FGGY: variants seen among roughly 807,000 people sequenced by gnomAD.
FGGY encodes the protein FGGY carbohydrate kinase domain-containing protein.
In FGGY, 72 loss-of-function variants were observed where a neutral mutation model predicts 71.3. The observed-to-expected ratio is 1.01, with a 90% CI of 0.84 to 1.23. The LOEUF (loss-of-function observed/expected upper bound fraction) is 1.23, where lower values mean the gene tolerates loss of function less well. FGGY is among the 50% of genes most tolerant of loss of function. FGGY has a pLI of 0.00. For missense variants in FGGY, 668 were observed against 682.3 expected, an observed-to-expected ratio of 0.98 and a Z score of 0.23; for synonymous variants, 251 against 250.3, an observed-to-expected ratio of 1.00 and a Z score of -0.02.
intron 14 of FGGY, among the ~76,000 whole-genome samples, chr1:59,732,735 G>A (rs1050697005): frequency 9.9e-5 from 15 of 152,188 alleles, no homozygotes; most frequent in African/African-American, 3.6e-4. Flanking sequence ...GCAGACCACT[G>A]TCGCCCCCAC....
intron 8 of FGGY, among the ~76,000 whole-genome samples, chr1:59,592,172 A>G (rs1052817733): frequency 6.6e-6 from 1 of 152,248 alleles, no homozygotes; most frequent in African/African-American, 2.4e-5. Flanking sequence ...CAGCAAAAAA[A>G]CACATGAAAA....
chr1:59,537,372 T>A (rs2095345703), intron 7 of FGGY, among the ~76,000 whole-genome samples: 1 of 152,100 alleles, frequency 6.6e-6, no homozygotes, highest in Admixed American at 6.5e-5. Context: ...GGAAGAACAT[T>A]CCATGCTCGT....
chr1:59,402,495 A>G (rs1044063614), intron 5 of FGGY, among the ~76,000 whole-genome samples: 7 of 152,214 alleles, frequency 4.6e-5, no homozygotes, highest in Non-Finnish European at 8.8e-5. Context: ...TGCCTGTTGC[A>G]TAGTAGACAT....
intron 1 of FGGY, among the ~76,000 whole-genome samples, chr1:59,305,717 T>C (rs1008636948): frequency 6.6e-6 from 1 of 152,248 alleles, no homozygotes; most frequent in Non-Finnish European, 1.5e-5. Flanking sequence ...CTGGCTGTTA[T>C]GAATAGAACT....
intron 5 of FGGY, among the ~76,000 whole-genome samples, chr1:59,448,475 AC>A (rs1016204056): frequency 7.9e-5 from 12 of 151,974 alleles, no homozygotes; most frequent in Non-Finnish European, 1.5e-5. Context: ...TATGCAAGGA[AC>A]CCAGTGTTCT....
At chr1:59,383,338 A>C (rs1191125811) in intron 5 of FGGY, among the ~76,000 whole-genome samples, 1 of 152,190 alleles carries the variant, frequency 6.6e-6, no homozygotes, top group Non-Finnish European at 1.5e-5. Context: ...CAGAATATAC[A>C]TGAAGGTAGG....
intron 14 of FGGY, among the ~76,000 whole-genome samples, chr1:59,731,791 C>G (rs921140242): frequency 2.6e-5 from 4 of 152,022 alleles, no homozygotes; most frequent in African/African-American, 9.7e-5. Context: ...TATGATGATG[C>G]CTCTGAGTGT....
intron 14 of FGGY, among the ~76,000 whole-genome samples, chr1:59,732,156 C>T (rs1457752044): frequency 6.6e-6 from 1 of 152,144 alleles, no homozygotes. Context: ...ATTTTCATTC[C>T]TTTTCTCTTT....
chr1:59,584,188 A>G (rs1442732268), intron 8 of FGGY, among the ~76,000 whole-genome samples: 1 of 148,048 alleles, frequency 6.8e-6, no homozygotes. Flanking sequence ...TCCTGATACC[A>G]AAGCCTGGCA....
At chr1:59,477,004 T>C (rs1309043646) in intron 6 of FGGY, among the ~76,000 whole-genome samples, 1 of 152,124 alleles carries the variant, frequency 6.6e-6, no homozygotes, top group Non-Finnish European at 1.5e-5. Flanking sequence ...CACAATTCAG[T>C]TTTGGATTTA....
chr1:59,654,337 C>T (rs2097198567), intron 11 of FGGY, among the ~76,000 whole-genome samples: 1 of 152,188 alleles, frequency 6.6e-6, no homozygotes, highest in Admixed American at 6.5e-5. Context: ...TTGCCTTGTC[C>T]ATCAGCTCCA....
chr1:59,707,411 A>T (rs2154024264), intron 14 of FGGY, among the ~76,000 whole-genome samples: 1 of 152,288 alleles, frequency 6.6e-6, no homozygotes, highest in African/African-American at 2.4e-5. Context: ...AGGGGGAGAG[A>T]GGGATGACTG....
intron 8 of FGGY, among the ~76,000 whole-genome samples, chr1:59,561,941 TG>T (rs1262334270): frequency 1.3e-5 from 2 of 152,164 alleles, no homozygotes; most frequent in Non-Finnish European, 2.9e-5. Context: ...TGAAAAGCAC[TG>T]GTCATTAGGG....
At chr1:59,423,649 C>T (rs2065832592) in intron 5 of FGGY, among the ~76,000 whole-genome samples, 3 of 152,156 alleles carry the variant, frequency 2.0e-5, no homozygotes, top group Non-Finnish European at 4.4e-5. Context: ...GGAAAAAATG[C>T]TGAGTCTCTG....
chr1:59,689,120 G>C (rs1459328535), intron 14 of FGGY, among the ~76,000 whole-genome samples: 1 of 152,296 alleles, frequency 6.6e-6, no homozygotes, highest in African/African-American at 2.4e-5. Flanking sequence ...AGTTGGGTTA[G>C]AGAAGTATAT....
At chr1:59,428,898 T>C (rs757341229) in intron 5 of FGGY, among the ~76,000 whole-genome samples, 3 of 152,214 alleles carry the variant, frequency 2.0e-5, no homozygotes, top group Non-Finnish European at 4.4e-5. Flanking sequence ...CTCTCACTTA[T>C]GTCTGTTCTG....
chr1:59,612,628 T>C (rs985722945), intron 9 of FGGY, among the ~76,000 whole-genome samples: 8 of 152,146 alleles, frequency 5.3e-5, no homozygotes, highest in Non-Finnish European at 7.4e-5. Flanking sequence ...AATGACAGGA[T>C]CAAATTCACA....
intron 7 of FGGY, among the ~76,000 whole-genome samples, chr1:59,524,299 G>A (rs1002290304): frequency 2.0e-5 from 3 of 152,026 alleles, no homozygotes; most frequent in Admixed American, 6.6e-5. Context: ...CTCGGCTCAG[G>A]CCTGCAGGTG....
chr1:59,514,595 T>C lies in FGGY; in HGVS notation c.799+2156T>C, dbSNP rs576824583. On this transcript the variant is annotated intron_variant, in intron 7 of 15. Transcript: ENST00000303721. ...CCATTCAAATCTCCACAGAGTTGTA[T>C]CTCCCAGAATTCCCACATGTTGTGG... Among the ~76,000 whole-genome samples the C allele has an allele frequency of 8.2e-4, 125 of 152,282 alleles. 1 individual carries two copies. The highest frequency in any genetic ancestry group is 2.9e-3 in the African/African-American group (120 of 41,558).
Sources: gnomAD v4.1 joint callset for allele counts (sites outside exome capture counted in the v4.1 genomes callset) on GRCh38, gnomAD v4.1.1 for gene constraint, MANE v1.5 for transcripts, NCBI Gene and HGNC (gene_info 2026-07-23, HGNC 2026-07-21) for gene names.